GPHN: variants seen among roughly 807,000 people sequenced by gnomAD.
GPHN encodes gephyrin.
A neutral mutation model predicts 95.5 loss-of-function variants in GPHN; 17 were observed. The ratio of observed to expected loss-of-function variants is 0.18; its 90% CI spans 0.12 to 0.27. The LOEUF (loss-of-function observed/expected upper bound fraction) is 0.27, where lower values mean the gene tolerates loss of function less well. GPHN is among the 10% of genes least tolerant of loss of function. The probability of loss-of-function intolerance (pLI) is 1.00; values close to 1 mark genes in which losing one functional copy is unlikely to be tolerated. For synonymous variants in GPHN, 320 were observed against 322.5 expected (o/e 0.99, Z 0.08); for missense variants, 660 against 978.1 (o/e 0.67, Z 4.34).
At chr14:67,226,472 T>A in the GPHN span, among the ~76,000 whole-genome samples, 1 of 152,244 alleles carries the variant, frequency 6.6e-6, no homozygotes. Flanking sequence ...GAGATTCTCC[T>A]GCTTCAGCCT....
At chr14:67,011,846 A>G (rs758318787) in intron 9 of GPHN, among the ~76,000 whole-genome samples, 1 of 152,064 alleles carries the variant, frequency 6.6e-6, no homozygotes, top group African/African-American at 2.4e-5. Context: ...ATATATATAT[A>G]TGATCACTTC....
the GPHN span, chr14:67,254,293 G>A: frequency 1.8e-4 from 27 of 150,448 alleles, no homozygotes; most frequent in Admixed American, 1.6e-3. Context: ...GTGGGTACTC[G>A]CCTTGTTGAA....
intron 10 of GPHN, among the ~76,000 whole-genome samples, chr14:67,046,301 T>G (rs2075013381): frequency 6.6e-6 from 1 of 152,082 alleles, no homozygotes; most frequent in Admixed American, 6.6e-5. Flanking sequence ...AAAACAGTTG[T>G]GAAGGAAGAG....
chr14:67,182,134 A>G (rs1220604295), downstream of GPHN, among the ~76,000 whole-genome samples: 1 of 152,242 alleles, frequency 6.6e-6, no homozygotes, highest in African/African-American at 2.4e-5. Context: ...ATAAAATCCA[A>G]TTTCAAACAT....
intron 1 of GPHN, among the ~76,000 whole-genome samples, chr14:66,570,397 C>T (rs957947367): frequency 1.1e-4 from 16 of 151,424 alleles, no homozygotes; most frequent in African/African-American, 9.7e-5. Context: ...CTCTGCCTCC[C>T]GGGTTCAAGC....
chr14:66,767,858 G>C (rs1466501875), intron 2 of GPHN, among the ~76,000 whole-genome samples: 1 of 151,904 alleles, frequency 6.6e-6, no homozygotes, highest in African/African-American at 2.4e-5. Flanking sequence ...AATAATTGCA[G>C]TTATCAATAG....
intron 2 of GPHN, among the ~76,000 whole-genome samples, chr14:66,687,853 T>A (rs971018037): frequency 6.6e-6 from 1 of 152,234 alleles, no homozygotes; most frequent in African/African-American, 2.4e-5. Context: ...CTCTTCAATT[T>A]CTTTCATCAG....
chr14:67,193,780 A>C, the GPHN span, among the ~76,000 whole-genome samples: 3 of 135,156 alleles, frequency 2.2e-5, no homozygotes, highest in Non-Finnish European at 4.8e-5. Context: ...CAATTTCTAC[A>C]AAAAAAAAAA....
chr14:67,510,510 G>A, the GPHN span, among the ~76,000 whole-genome samples: 1 of 152,188 alleles, frequency 6.6e-6, no homozygotes, highest in Non-Finnish European at 1.5e-5. Flanking sequence ...AAGCTTTATA[G>A]CATCTATAGG....
chr14:66,824,204 CTTTA>C (rs1211342245), intron 3 of GPHN, among the ~76,000 whole-genome samples: 4 of 152,154 alleles, frequency 2.6e-5, no homozygotes, highest in African/African-American at 4.8e-5. Context: ...ATTATAAACT[CTTTA>C]TTTACGGTTT....
At chr14:67,647,716 T>G in the GPHN span, 1 of 204,438 alleles carries the variant, frequency 4.9e-6, no homozygotes, top group Non-Finnish European at 9.8e-6. Flanking sequence ...GAGCCCAATC[T>G]CATCTAGAAG....
At chr14:67,496,335 C>A in the GPHN span, among the ~76,000 whole-genome samples, 5 of 149,406 alleles carry the variant, frequency 3.3e-5, 1 homozygote, top group South Asian at 1.1e-3. Context: ...TCAAGTGATC[C>A]ACCCATCTTG....
chr14:66,537,444 A>ATT (rs372073957), intron 1 of GPHN, among the ~76,000 whole-genome samples: 5 of 150,812 alleles, frequency 3.3e-5, no homozygotes, highest in African/African-American at 1.2e-4. Flanking sequence ...ATAAATCTTG[A>ATT]TTTTTTTTAG....
intron 17 of GPHN, among the ~76,000 whole-genome samples, chr14:67,124,310 A>G (rs1416526451): frequency 1.3e-5 from 2 of 152,060 alleles, no homozygotes; most frequent in Non-Finnish European, 2.9e-5. Flanking sequence ...GGAGGCTAAC[A>G]CAGGAGAATC....
At chr14:67,061,393 A>G (rs772587087) in intron 11 of GPHN, among the ~76,000 whole-genome samples, 1 of 151,946 alleles carries the variant, frequency 6.6e-6, no homozygotes, top group Non-Finnish European at 1.5e-5. Context: ...CCCTCCCCCC[A>G]GTTAACATCT....
chr14:67,712,764 A>G, the GPHN span, among the ~76,000 whole-genome samples: 2 of 152,202 alleles, frequency 1.3e-5, no homozygotes, highest in Admixed American at 6.5e-5. Flanking sequence ...AGGGAAAAAA[A>G]GAAGGCAGAA....
At chr14:67,665,255 A>G in the GPHN span, among the ~76,000 whole-genome samples, 11 of 130,746 alleles carry the variant, frequency 8.4e-5, no homozygotes, top group African/African-American at 3.0e-4. Context: ...AATGTCAGTT[A>G]TATCTTTTTT....
chr14:67,522,992 C>G, the GPHN span, among the ~76,000 whole-genome samples: 1 of 152,196 alleles, frequency 6.6e-6, no homozygotes, highest in Admixed American at 6.5e-5. Flanking sequence ...CTTCTCTTGC[C>G]TAGTACTGTG....
At chr14:67,579,408 T>G in the GPHN span, 1 of 992,926 alleles carries the variant, frequency 1.0e-6, no homozygotes, top group Non-Finnish European at 1.4e-6. Flanking sequence ...GATTGTTCAC[T>G]GTTGCCCCAG....
Sources: allele counts gnomAD v4.1 joint callset (sites outside exome capture counted in the v4.1 genomes callset), GRCh38; gene constraint gnomAD v4.1.1; transcripts MANE v1.5; gene names NCBI Gene and HGNC (gene_info 2026-07-23, HGNC 2026-07-21).